The following FKTN variants were observed in gnomAD, a reference collection of about 807,000 sequenced individuals.
FKTN encodes the protein fukutin, also known as ribitol-5-phosphate transferase FKTN.
In FKTN, 47 loss-of-function variants were observed where a neutral mutation model predicts 58.6. That is an observed-to-expected ratio of 0.80 (90% CI 0.63 to 1.02). The LOEUF (loss-of-function observed/expected upper bound fraction) is 1.02. Ranked by LOEUF, FKTN falls within the 50% of genes least tolerant of loss-of-function variation. The pLI, the probability that FKTN is intolerant of heterozygous loss-of-function variation, is 0.00. For synonymous variants in FKTN, 178 were observed against 191.9 expected (o/e 0.93, Z 0.60); for missense variants, 516 against 537.3 (o/e 0.96, Z 0.39).
chr9:105,601,636 T>C (rs1055469348), intron 5 of FKTN, among the ~76,000 whole-genome samples: 2 of 152,186 alleles, frequency 1.3e-5, no homozygotes, highest in African/African-American at 2.4e-5. Context: ...ATTTACCTCA[T>C]TATCACAGGA....
chr9:105,578,042 T>G (rs1297066793), intron 3 of FKTN, among the ~76,000 whole-genome samples: 3 of 152,194 alleles, frequency 2.0e-5, no homozygotes, highest in African/African-American at 7.2e-5. Context: ...TTTGCTGAAG[T>G]TGCTTATCAG....
chr9:105,640,130 T>C lies in FKTN; in HGVS notation c.*4866T>C. Reference sequence around the variant, plus strand: ...GAATCAGCAGGGTGCATGATGCCATTTTAAGCTGCTTCACATCAGACTGAA... The same window carrying C: ...GAATCAGCAGGGTGCATGATGCCATCTTAAGCTGCTTCACATCAGACTGAA... On this transcript the variant is annotated 3_prime_UTR_variant, in exon 11 of 11. Coordinates refer to ENST00000357998, the MANE Select transcript of FKTN (RefSeq NM_001079802.2). 1 of 1,535,576 alleles carries C rather than the reference T, an allele frequency of 6.5e-7. No individual in the cohort carries two copies. Among genetic ancestry groups the C allele is most frequent in the Non-Finnish European group, 8.7e-7 (1 of 1,146,814 alleles).
intron 10 of FKTN, among the ~76,000 whole-genome samples, chr9:105,626,032 C>T (rs993313527): frequency 2.0e-5 from 3 of 152,034 alleles, no homozygotes; most frequent in Admixed American, 6.6e-5. Context: ...TTGTGAGAAC[C>T]ATCCATATTT....
intron 6 of FKTN, among the ~76,000 whole-genome samples, chr9:105,607,357 G>A (rs755626687): frequency 6.6e-6 from 1 of 151,820 alleles, no homozygotes; most frequent in Non-Finnish European, 1.5e-5. Flanking sequence ...CAAAATTTTT[G>A]TTTCTGCTTA....
intron 10 of FKTN, among the ~76,000 whole-genome samples, chr9:105,630,730 A>G (rs1053569122): frequency 2.0e-5 from 3 of 152,228 alleles, no homozygotes; most frequent in Non-Finnish European, 4.4e-5. Flanking sequence ...AAAGGATTAA[A>G]AGATTAAAGG....
At chr9:105,570,081 T>C (rs1459572790) in intron 1 of FKTN, among the ~76,000 whole-genome samples, 3 of 152,158 alleles carry the variant, frequency 2.0e-5, no homozygotes, top group African/African-American at 7.2e-5. Flanking sequence ...TTTAAACGTT[T>C]ATTTTTTGAA....
intron 7 of FKTN, among the ~76,000 whole-genome samples, chr9:105,612,703 G>A (rs989268238): frequency 1.3e-5 from 2 of 152,176 alleles, no homozygotes; most frequent in African/African-American, 2.4e-5. Context: ...CATGGCTCAC[G>A]CCTGTAATCC....
chr9:105,581,433 G>A (rs1318275787), intron 3 of FKTN, among the ~76,000 whole-genome samples: 1 of 149,628 alleles, frequency 6.7e-6, no homozygotes, highest in Non-Finnish European at 1.5e-5. Context: ...GCCTTGTGAG[G>A]TGTCAGTGTG....
chr9:105,596,353 C>T lies in FKTN; in HGVS notation c.106-245C>T, dbSNP rs111250428. ...AAATTAATTGGTTCAGAGATGTTGA[C>T]CATGTCTACCTTATTATTTAATAAC... On this transcript the variant is annotated intron_variant, in intron 3 of 10. Transcript: ENST00000357998. Among the ~76,000 whole-genome samples, 515 of 152,246 alleles carry T rather than the reference C, an allele frequency of 3.4e-3. 5 individuals are homozygous for T. The highest frequency in any genetic ancestry group is 0.012 in the African/African-American group (489 of 41,554).
intron 4 of FKTN, among the ~76,000 whole-genome samples, chr9:105,599,286 A>G (rs894076127): frequency 8.6e-5 from 13 of 151,924 alleles, no homozygotes; most frequent in Admixed American, 4.6e-4. Flanking sequence ...TTATTGATTG[A>G]TTTTCAAATG....
chr9:105,624,771 A>C (rs2133303794), intron 10 of FKTN, among the ~76,000 whole-genome samples: 1 of 152,216 alleles, frequency 6.6e-6, no homozygotes, highest in South Asian at 2.1e-4. Context: ...GTGCATTTTG[A>C]ATGTCTTGTT....
At position 105,618,110 on chromosome 9, in the gene FKTN, G is replaced by A; in HGVS notation, c.1044+18G>A. On this transcript the variant is annotated intron_variant, in intron 9 of 10. Transcript: ENST00000357998. ...TTGGGAAGGTCAGTAACAAAAGTCG[G>A]CTTCATTTCATAAGTAACATATCTC... 6.2e-7 allele frequency: 1 copy of A among 1,606,656 alleles called. No homozygotes were observed.
At chr9:105,577,894 A>G (rs1439531610) in intron 3 of FKTN, among the ~76,000 whole-genome samples, 1 of 150,826 alleles carries the variant, frequency 6.6e-6, no homozygotes, top group Non-Finnish European at 1.5e-5. Flanking sequence ...CATCCCTTGT[A>G]AGTTGGATTC....
At chr9:105,600,920 T>A (rs1255592833) in intron 4 of FKTN, 2 of 450,690 alleles carry the variant, frequency 4.4e-6, no homozygotes, top group Non-Finnish European at 8.1e-6. Flanking sequence ...TCTTGTAGCA[T>A]ATTTCACCTT....
chr9:105,638,768 G>T lies in FKTN; in HGVS notation c.*3504G>T. 1 of 974,458 alleles carries T rather than the reference G, an allele frequency of 1.0e-6. No homozygotes were observed. The highest frequency in any genetic ancestry group is 1.2e-6 in the Non-Finnish European group (1 of 820,156). The allele number at this position is 974,458 out of a possible 1,614,324, so 60.4% of individuals were successfully genotyped here. A position where few individuals can be genotyped will look rare whatever the true frequency, so the allele number is the denominator to read the frequency against. Reference sequence around the variant, plus strand: ...TAAACTACTTTTAATTATTTATATTGATACTCTCTGATAAATGCAGGTAGT... The same window carrying T: ...TAAACTACTTTTAATTATTTATATTTATACTCTCTGATAAATGCAGGTAGT... On this transcript the variant is annotated 3_prime_UTR_variant, in exon 11 of 11. Transcript: ENST00000357998.
chr9:105,584,598 T>G (rs776355197), intron 3 of FKTN, among the ~76,000 whole-genome samples: 1 of 152,112 alleles, frequency 6.6e-6, no homozygotes, highest in Non-Finnish European at 1.5e-5. Flanking sequence ...GGTGTGCAGA[T>G]TGCTTGAGCC....
intron 10 of FKTN, among the ~76,000 whole-genome samples, chr9:105,629,660 T>C (rs1340194347): frequency 6.6e-6 from 1 of 152,144 alleles, no homozygotes; most frequent in African/African-American, 2.4e-5. Flanking sequence ...AGGAAAACTT[T>C]AGTACTTGTT....
chr9:105,609,785 T>C (rs1160282045), intron 7 of FKTN, among the ~76,000 whole-genome samples: 4 of 152,168 alleles, frequency 2.6e-5, no homozygotes, highest in African/African-American at 9.6e-5. Flanking sequence ...ACTGCATAAT[T>C]TTGATTTATC....
chr9:105,582,269 G>A (rs541399427), intron 3 of FKTN, among the ~76,000 whole-genome samples: 34 of 106,250 alleles, frequency 3.2e-4, no homozygotes, highest in African/African-American at 1.1e-3. Context: ...ATAGCTCACT[G>A]TAACCTTGAA....
Sources: gnomAD v4.1 joint callset for allele counts (sites outside exome capture counted in the v4.1 genomes callset) on GRCh38, gnomAD v4.1.1 for gene constraint, MANE v1.5 for transcripts, NCBI Gene and HGNC (gene_info 2026-07-23, HGNC 2026-07-21) for gene names.